The following OSBPL10 variants were observed in gnomAD, a reference collection of about 807,000 sequenced individuals.
OSBPL10 encodes the protein oxysterol-binding protein-related protein 10.
A neutral mutation model predicts 81.7 loss-of-function variants in OSBPL10; 49 were observed. The observed-to-expected ratio is 0.60, with a 90% CI of 0.48 to 0.76. The LOEUF is 0.76. OSBPL10 is among the 30% of genes least tolerant of loss of function. The pLI is 0.00. For synonymous variants in OSBPL10, 419 were observed against 383.6 expected, an observed-to-expected ratio of 1.09 and a Z score of -1.08; for missense variants, 923 against 987.8, an observed-to-expected ratio of 0.93 and a Z score of 0.88.
intron 8 of OSBPL10, among the ~76,000 whole-genome samples, chr3:31,679,360 T>A (rs1700577832): frequency 6.6e-6 from 1 of 152,168 alleles, no homozygotes; most frequent in South Asian, 2.1e-4. Context: ...TCTCCGACCC[T>A]CCTGTTGGAG....
At chr3:31,675,965 A>AG (rs61678815) in intron 8 of OSBPL10, among the ~76,000 whole-genome samples, 4 of 150,874 alleles carry the variant, frequency 2.7e-5, no homozygotes, top group Non-Finnish European at 4.4e-5. Flanking sequence ...AAAAAAAAAA[A>AG]GAGGAAACTA....
intron 4 of OSBPL10, among the ~76,000 whole-genome samples, chr3:31,819,045 GGAA>G (rs1277246581): frequency 6.6e-6 from 1 of 152,258 alleles, no homozygotes; most frequent in Non-Finnish European, 1.5e-5. Flanking sequence ...CCACTTTCAG[GGAA>G]GGACAGATAG....
chr3:31,906,493 T>C lies in OSBPL10; in HGVS notation c.282-26663A>G, dbSNP rs566881127. Among the ~76,000 whole-genome samples, 134 of 152,304 alleles carry C rather than the reference T, an allele frequency of 8.8e-4. 1 individual carries two copies. The highest frequency in any genetic ancestry group is 3.1e-3 in the African/African-American group (128 of 41,562). On this transcript the variant is annotated intron_variant, in intron 1 of 11. Transcript: ENST00000396556. ...TATCCTTTCATTATCATCCTCCCTA[T>C]CTATTATCACTACCAGCACATAAAG...
chr3:31,834,883 A>G (rs140359055), intron 3 of OSBPL10, among the ~76,000 whole-genome samples: 26 of 152,294 alleles, frequency 1.7e-4, no homozygotes, highest in African/African-American at 6.0e-4. Flanking sequence ...CAACACTTGC[A>G]AGCTGTGTAA....
chr3:31,872,290 G>A (rs1290539541), intron 3 of OSBPL10, among the ~76,000 whole-genome samples: 1 of 152,178 alleles, frequency 6.6e-6, no homozygotes. Context: ...CATCTGTGAG[G>A]CTAGATGTCA....
chr3:31,801,539 C>T lies in OSBPL10; in HGVS notation c.729+28501G>A, dbSNP rs577980553. Among the ~76,000 whole-genome samples the T allele has an allele frequency of 1.2e-4, 18 of 152,282 alleles. No individual in the cohort carries two copies. The South Asian group carries it at 3.5e-3, about 30-fold the overall frequency. On this transcript the variant is annotated intron_variant, in intron 4 of 11. Coordinates refer to ENST00000396556, the MANE Select transcript of OSBPL10 (RefSeq NM_017784.5). Reference sequence around the variant, plus strand: ...ACAGAGGCCAATTTCTGAGCAGAGGCCTCCCACAGCAGGCCCAGGCCCCTG... The same window carrying T: ...ACAGAGGCCAATTTCTGAGCAGAGGTCTCCCACAGCAGGCCCAGGCCCCTG...
Position 31,733,247 on chromosome 3 carries a change from G to A in OSBPL10, c.1095+10C>T. 6.2e-7 allele frequency: 1 copy of A among 1,611,932 alleles called. No homozygotes were observed. Among genetic ancestry groups the A allele is most frequent in the Non-Finnish European group, 8.5e-7 (1 of 1,179,526 alleles). ...AAGCCATGAATGCACTGAGAGGACT[G>A]CACGCTTACCTCTGGCTCTGGCTGT... On this transcript the variant is annotated intron_variant, in intron 6 of 11. Transcript: ENST00000396556.
rs1347522633 is a variant in OSBPL10 at position 31,804,272 on chromosome 3, A to G, written c.729+25768T>C. On this transcript the variant is annotated intron_variant, in intron 4 of 11. Transcript: ENST00000396556. ...ATGTTATTCTAAGGGTTGAAATCCA[A>G]TACTATCAACATCACAGATTTTTAA... is the stretch of plus-strand genomic sequence containing the variant. Among the ~76,000 whole-genome samples the G allele has an allele frequency of 7.9e-5, 12 of 152,326 alleles. No individual in the cohort carries two copies. The East Asian group carries it at 2.3e-3, about 29-fold the overall frequency.
At chr3:31,910,551 G>T (rs1448021456) in intron 1 of OSBPL10, among the ~76,000 whole-genome samples, 1 of 151,908 alleles carries the variant, frequency 6.6e-6, no homozygotes. Flanking sequence ...TGGAAGAATC[G>T]CTTGAACCTG....
intron 4 of OSBPL10, among the ~76,000 whole-genome samples, chr3:31,797,055 C>T (rs887665238): frequency 1.7e-4 from 22 of 133,274 alleles, no homozygotes; most frequent in Admixed American, 3.5e-4. Context: ...AGTGCAATGG[C>T]GCCATCTTGG....
At chr3:32,069,275 T>A (rs1400985577) in intron 1 of OSBPL10, among the ~76,000 whole-genome samples, 2 of 152,022 alleles carry the variant, frequency 1.3e-5, no homozygotes, top group Non-Finnish European at 2.9e-5. Context: ...GAAAGAGTTT[T>A]TTTCTGTAGC....
At chr3:31,940,096 T>C (rs748827097) in intron 1 of OSBPL10, among the ~76,000 whole-genome samples, 13 of 152,178 alleles carry the variant, frequency 8.5e-5, no homozygotes, top group Non-Finnish European at 1.9e-4. Flanking sequence ...GAAATAGAAA[T>C]ATATGTCCAC....
At chr3:31,836,547 T>G (rs4566577) in intron 3 of OSBPL10, among the ~76,000 whole-genome samples, 1 of 143,842 alleles carries the variant, frequency 7.0e-6, no homozygotes, top group South Asian at 2.3e-4. Context: ...CCCCCTCCTC[T>G]ACCCCCCTGC....
At chr3:31,684,874 C>G (rs1700751869) in intron 7 of OSBPL10, among the ~76,000 whole-genome samples, 1 of 151,950 alleles carries the variant, frequency 6.6e-6, no homozygotes, top group African/African-American at 2.4e-5. Context: ...TGCTAAAGGA[C>G]TGGCAGAGTG....
At chr3:32,076,096 G>A (rs139468458) in intron 1 of OSBPL10, among the ~76,000 whole-genome samples, 2,931 of 152,228 alleles carry the variant, frequency 0.019, 41 homozygotes, top group Middle Eastern at 0.048. Context: ...ATGGCCAGGC[G>A]CGGTGGCTCA....
At chr3:31,982,747 A>T (rs1698875579), upstream of OSBPL10, among the ~76,000 whole-genome samples, 1 of 152,216 alleles carries the variant, frequency 6.6e-6, no homozygotes, top group African/African-American at 2.4e-5. Flanking sequence ...TACCTCTTTT[A>T]GCCTTAGTTT....
chr3:31,768,445 T>C (rs2125739445), intron 4 of OSBPL10, among the ~76,000 whole-genome samples: 1 of 152,350 alleles, frequency 6.6e-6, no homozygotes, highest in East Asian at 1.9e-4. Context: ...CCTTTAGACT[T>C]ATCTGTGTAC....
intron 2 of OSBPL10, among the ~76,000 whole-genome samples, chr3:31,879,089 TTC>T (rs1450014597): frequency 1.3e-5 from 2 of 151,976 alleles, no homozygotes; most frequent in Non-Finnish European, 2.9e-5. Context: ...GGTATCCATT[TTC>T]TTTTTTTTCT....
chr3:31,756,694 C>T (rs567970696), intron 4 of OSBPL10, among the ~76,000 whole-genome samples: 2 of 152,202 alleles, frequency 1.3e-5, no homozygotes, highest in East Asian at 3.9e-4. Context: ...AAGGATGAAA[C>T]AATATTGGCT....
Sources: gnomAD v4.1 joint callset for allele counts (sites outside exome capture counted in the v4.1 genomes callset) on GRCh38, gnomAD v4.1.1 for gene constraint, MANE v1.5 for transcripts, NCBI Gene and HGNC (gene_info 2026-07-23, HGNC 2026-07-21) for gene names.